The following TBC1D32 variants were observed in gnomAD, a reference collection of about 807,000 sequenced individuals.
TBC1D32 encodes protein broad-minded.
Under a neutral mutation model 170.3 loss-of-function variants are expected in TBC1D32, and 151 were observed. That is an observed-to-expected ratio of 0.89 (90% CI 0.78 to 1.01). The LOEUF is 1.01. Ranked by LOEUF, TBC1D32 falls within the 50% of genes least tolerant of loss-of-function variation. TBC1D32 has a pLI of 0.00. For synonymous variants in TBC1D32, 498 were observed against 488.0 expected, an observed-to-expected ratio of 1.02 and a Z score of -0.27; for missense variants, 1,464 against 1,457.1, an observed-to-expected ratio of 1.00 and a Z score of -0.08.
chr6:121,205,030 G>A (rs1792056256), intron 22 of TBC1D32, 45 bp downstream of exon 22: 1 of 1,140,256 alleles, frequency 8.8e-7, no homozygotes, highest in African/African-American at 1.6e-5. Context: ...CTTATTTTTT[G>A]TGGAACATAA....
intron 21 of TBC1D32, among the ~76,000 whole-genome samples, chr6:121,221,995 A>G (rs1321267701): frequency 6.6e-6 from 1 of 152,200 alleles, no homozygotes; most frequent in Non-Finnish European, 1.5e-5. Flanking sequence ...CAAGTGATGC[A>G]GTGAACTTCA....
At chr6:121,244,768 A>G (rs1334066198) in intron 17 of TBC1D32, among the ~76,000 whole-genome samples, 1 of 152,198 alleles carries the variant, frequency 6.6e-6, no homozygotes, top group African/African-American at 2.4e-5. Context: ...TGGGTTATGC[A>G]GGGTCCATTG....
At chr6:121,199,305 C>A (rs115801006) in intron 22 of TBC1D32, among the ~76,000 whole-genome samples, 4,339 of 150,880 alleles carry the variant, frequency 0.029, 365 homozygotes, top group African/African-American at 0.094. Flanking sequence ...AATTATGATA[C>A]AGATTAATAT....
rs72159293 is a variant in TBC1D32, at chr6:121,323,004, GA to G, written c.156-1211del. Among the ~76,000 whole-genome samples, 303 of 150,942 alleles carry G rather than the reference GA, an allele frequency of 2.0e-3. 3 individuals are homozygous for G. In the Middle Eastern group the frequency reaches 0.037, roughly 19 times the overall value. The stretch of plus-strand genomic sequence containing the variant: ...AAAAAGAGAAGAGGAATGAAAAGAA[GA>G]AAAAAAAAGTGTACAGCAAAAAGCA... On this transcript the variant is annotated intron_variant, in intron 1 of 31. Transcript: ENST00000398212.
chr6:121,263,193 T>C (rs891272046), intron 15 of TBC1D32, among the ~76,000 whole-genome samples: 1 of 150,560 alleles, frequency 6.6e-6, no homozygotes. Flanking sequence ...TCATCTCATA[T>C]GCAAATATAC....
chr6:121,317,425 A>G, intron 3 of TBC1D32, 70 bp downstream of exon 3: 1 of 1,245,288 alleles, frequency 8.0e-7, no homozygotes, highest in Non-Finnish European at 1.1e-6. Flanking sequence ...TATGGCTAAG[A>G]AATAATTTAT....
chr6:121,171,747 C>T (rs75329751), intron 22 of TBC1D32, among the ~76,000 whole-genome samples: 1,754 of 152,192 alleles, frequency 0.012, 9 homozygotes, highest in Non-Finnish European at 0.018. Context: ...AAAGATTATA[C>T]TATTCACTAC....
intron 3 of TBC1D32, 53 bp downstream of exon 3, chr6:121,317,442 T>C: frequency 1.5e-6 from 2 of 1,322,894 alleles, no homozygotes; most frequent in South Asian, 3.8e-5. Context: ...TTATTGAAGC[T>C]AATTATTATT....
chr6:121,245,215 T>A (rs1300613885), intron 17 of TBC1D32, among the ~76,000 whole-genome samples: 1 of 151,894 alleles, frequency 6.6e-6, no homozygotes, highest in African/African-American at 2.4e-5. Flanking sequence ...AATCAGAGAG[T>A]CTACATCTAC....
chr6:121,099,260 G>C (rs956116048), intron 30 of TBC1D32, among the ~76,000 whole-genome samples: 6 of 151,824 alleles, frequency 4.0e-5, no homozygotes, highest in Non-Finnish European at 5.9e-5. Flanking sequence ...CTTAAGCCAG[G>C]AAAATGAACA....
chr6:121,293,448 A>T (rs1805165790), intron 11 of TBC1D32, among the ~76,000 whole-genome samples: 1 of 152,174 alleles, frequency 6.6e-6, no homozygotes, highest in Non-Finnish European at 1.5e-5. Context: ...TCACCTGAGA[A>T]TGAAGAAAAG....
chr6:121,186,825 G>A (rs548866129), intron 22 of TBC1D32, among the ~76,000 whole-genome samples: 34 of 151,970 alleles, frequency 2.2e-4, no homozygotes, highest in Non-Finnish European at 4.6e-4. Flanking sequence ...GGCCATTTTT[G>A]TTGTGGAAGG....
chr6:121,291,634 T>A (rs1316202696), intron 12 of TBC1D32, among the ~76,000 whole-genome samples: 6 of 152,144 alleles, frequency 3.9e-5, no homozygotes, highest in Non-Finnish European at 8.8e-5. Context: ...TATAAAACAG[T>A]ATTTGCAACC....
chr6:121,202,279 G>GAAAAA (rs59539189), intron 22 of TBC1D32, among the ~76,000 whole-genome samples: 2 of 113,998 alleles, frequency 1.8e-5, no homozygotes, highest in South Asian at 2.9e-4. Context: ...ACTAGAGAAT[G>GAAAAA]AAAAAAAAAA....
intron 31 of TBC1D32, among the ~76,000 whole-genome samples, chr6:121,090,034 G>A (rs1434158764): frequency 6.6e-6 from 1 of 151,488 alleles, no homozygotes; most frequent in Non-Finnish European, 1.5e-5. Flanking sequence ...CTGGGTTCAC[G>A]CCATTCTCCT....
chr6:121,258,443 CTGTTTTT>C (rs1388135119), intron 15 of TBC1D32, among the ~76,000 whole-genome samples: 2 of 146,682 alleles, frequency 1.4e-5, no homozygotes, highest in East Asian at 2.0e-4. Flanking sequence ...TTTTTTTTTT[CTGTTTTT>C]TGTTTTTTGT....
intron 22 of TBC1D32, among the ~76,000 whole-genome samples, chr6:121,187,297 G>C (rs1789327553): frequency 6.6e-6 from 1 of 152,042 alleles, no homozygotes. Context: ...GTGTAGGAAT[G>C]CAGGAAATCT....
At chr6:121,143,312 C>T (rs1018058891) in intron 24 of TBC1D32, among the ~76,000 whole-genome samples, 1 of 151,854 alleles carries the variant, frequency 6.6e-6, no homozygotes, top group African/African-American at 2.4e-5. Context: ...TTTTAAATGG[C>T]CACTTACATT....
At chr6:121,283,943 C>A (rs1158466229) in intron 12 of TBC1D32, 33 bp from the exon 13 acceptor site, 1 of 1,441,710 alleles carries the variant, frequency 6.9e-7, no homozygotes, top group South Asian at 1.2e-5. Flanking sequence ...AAATTAATTT[C>A]TAGCATATTC....
Sources: gnomAD v4.1 joint callset for allele counts (sites outside exome capture counted in the v4.1 genomes callset) on GRCh38, gnomAD v4.1.1 for gene constraint, MANE v1.5 for transcripts, NCBI Gene and HGNC (gene_info 2026-07-23, HGNC 2026-07-21) for gene names.